Variants in CHCT1 observed in about 807,000 individuals in gnomAD.
CHCT1 encodes CHD1 helical C-terminal domain containing 1, also known as CHD1 helical C-terminal domain containing protein 1.
the CHCT1 span, chr17:60,426,940 A>C: frequency 6.7e-7 from 1 of 1,493,758 alleles, no homozygotes; most frequent in South Asian, 1.3e-5. Context: ...GCTCACTGCC[A>C]GGGCAAGACT....
the CHCT1 span, chr17:60,422,733 A>T: frequency 2.1e-5 from 28 of 1,349,606 alleles, no homozygotes; most frequent in Admixed American, 5.5e-5. Context: ...GAAAGAAGAG[A>T]AGAACAATGA....
the CHCT1 span, among the ~76,000 whole-genome samples, chr17:60,425,045 A>G: frequency 2.0e-5 from 3 of 152,300 alleles, no homozygotes; most frequent in South Asian, 2.1e-4. Flanking sequence ...CTGATTCACC[A>G]AAGAATGCAG....
chr17:60,426,077 A>C, the CHCT1 span: 26 of 1,444,902 alleles, frequency 1.8e-5, no homozygotes, highest in East Asian at 6.2e-4. Context: ...GGCTGCGGCC[A>C]GACCGGTGTG....
chr17:60,423,497 T>C, the CHCT1 span, among the ~76,000 whole-genome samples: 1 of 152,038 alleles, frequency 6.6e-6, no homozygotes, highest in Non-Finnish European at 1.5e-5. Context: ...CCAGTTTTGC[T>C]CTGTCACCCA....
At chr17:60,422,699 GA>G in the CHCT1 span, 1 of 1,482,170 alleles carries the variant, frequency 6.7e-7, no homozygotes, top group South Asian at 1.3e-5. Flanking sequence ...GCTGGTTTTG[GA>G]AAGTAGAGAA....
chr17:60,423,522 G>T, the CHCT1 span, among the ~76,000 whole-genome samples: 2 of 152,056 alleles, frequency 1.3e-5, no homozygotes, highest in Non-Finnish European at 2.9e-5. Flanking sequence ...GGAGTGCAGT[G>T]GCTCAGTCTC....
the CHCT1 span, chr17:60,425,898 C>G: frequency 2.7e-5 from 42 of 1,538,006 alleles, no homozygotes; most frequent in South Asian, 4.5e-4. Context: ...AGTAAAGAGC[C>G]AGCCTGGAAC....
At chr17:60,421,571 G>C in the CHCT1 span, 1 of 985,452 alleles carries the variant, frequency 1.0e-6, no homozygotes, top group Non-Finnish European at 1.2e-6. Flanking sequence ...GGGAAGAAAA[G>C]GTGGCTCGAG....
the CHCT1 span, among the ~76,000 whole-genome samples, chr17:60,428,069 C>G: frequency 9.7e-3 from 1,483 of 152,210 alleles, 15 homozygotes; most frequent in African/African-American, 0.032. Flanking sequence ...ACTTTGAGAA[C>G]CACTGGTCTG....
At chr17:60,425,888 A>G in the CHCT1 span, 1 of 1,546,924 alleles carries the variant, frequency 6.5e-7, no homozygotes, top group South Asian at 1.2e-5. Flanking sequence ...CAAAACTGTG[A>G]GTAAAGAGCC....
At chr17:60,421,396 T>G in the CHCT1 span, 39 of 985,506 alleles carry the variant, frequency 4.0e-5, no homozygotes, top group Non-Finnish European at 4.3e-5. Context: ...GCCCCTCTCC[T>G]GTGCCCGAGG....
At chr17:60,428,530 C>A in the CHCT1 span, among the ~76,000 whole-genome samples, 1 of 150,984 alleles carries the variant, frequency 6.6e-6, no homozygotes, top group Admixed American at 6.6e-5. Flanking sequence ...TCTTGTCCCC[C>A]AGGCTGGAGT....
chr17:60,431,042 C>CCCACCTA, the CHCT1 span: 2 of 603,040 alleles, frequency 3.3e-6, no homozygotes, highest in Non-Finnish European at 5.8e-6. Flanking sequence ...TGAGAAAAAA[C>CCCACCTA]TAAGTGATAT....
chr17:60,421,264 C>T, the CHCT1 span: 1 of 719,074 alleles, frequency 1.4e-6, no homozygotes, highest in African/African-American at 1.9e-5. Context: ...ACAACGACAA[C>T]AATAACAACA....
the CHCT1 span, chr17:60,429,326 C>T: frequency 6.3e-7 from 1 of 1,593,310 alleles, no homozygotes; most frequent in East Asian, 2.3e-5. Context: ...TCCCCCTCTT[C>T]TCAACACTCT....
At chr17:60,431,426 A>C in the CHCT1 span, 1 of 590,788 alleles carries the variant, frequency 1.7e-6, no homozygotes, top group Non-Finnish European at 3.0e-6. Flanking sequence ...GTTCTACCTT[A>C]CTTGACCAAC....
chr17:60,426,728 C>A, the CHCT1 span: 3 of 1,610,534 alleles, frequency 1.9e-6, no homozygotes, highest in Non-Finnish European at 2.5e-6. Context: ...GATGCTCTGG[C>A]GGTTCATCTC....
the CHCT1 span, chr17:60,426,883 G>C: frequency 6.5e-7 from 1 of 1,540,096 alleles, no homozygotes; most frequent in Middle Eastern, 1.7e-4. Flanking sequence ...AGACTTGCGG[G>C]GAGGCCTGGG....
At chr17:60,426,354 C>T in the CHCT1 span, 7 of 1,543,508 alleles carry the variant, frequency 4.5e-6, no homozygotes, top group Admixed American at 2.0e-5. Flanking sequence ...AGTCTCTTTG[C>T]TCTGCTCCCC....
Sources: gnomAD v4.1 joint callset for allele counts (sites outside exome capture counted in the v4.1 genomes callset) on GRCh38, gnomAD v4.1.1 for gene constraint, MANE v1.5 for transcripts, NCBI Gene and HGNC (gene_info 2026-07-23, HGNC 2026-07-21) for gene names.